TBC1D1: variants seen among roughly 807,000 people sequenced by gnomAD.
The protein encoded by TBC1D1 is TBC1 (tre-2/USP6, BUB2, cdc16) domain family, member 1.
In TBC1D1, 89 loss-of-function variants were observed where a neutral mutation model predicts 125.6. The observed-to-expected ratio is 0.71, with a 90% CI of 0.60 to 0.85. The LOEUF is 0.85. Ranked by LOEUF, TBC1D1 falls within the 40% of genes least tolerant of loss-of-function variation. The pLI, the probability that TBC1D1 is intolerant of heterozygous loss-of-function variation, is 0.00. For synonymous variants in TBC1D1, 565 were observed against 564.1 expected (o/e 1.00, Z -0.02); for missense variants, 1,377 against 1,469.2 (o/e 0.94, Z 1.03).
chr4:37,956,253 C>T (rs942191467), intron 2 of TBC1D1, among the ~76,000 whole-genome samples: 1 of 152,056 alleles, frequency 6.6e-6, no homozygotes, highest in Non-Finnish European at 1.5e-5. Flanking sequence ...TCCTGGACTT[C>T]AAGCGATCAC....
intron 2 of TBC1D1, among the ~76,000 whole-genome samples, chr4:37,913,607 A>AT (rs1719067177): frequency 7.0e-5 from 9 of 128,892 alleles, no homozygotes; most frequent in Admixed American, 7.0e-4. Flanking sequence ...CTCAAAAAAT[A>AT]AATATATATA....
At chr4:38,016,266 C>G (rs1039456327) in intron 3 of TBC1D1, among the ~76,000 whole-genome samples, 4 of 152,166 alleles carry the variant, frequency 2.6e-5, no homozygotes, top group Non-Finnish European at 4.4e-5. Flanking sequence ...TGATTTTCAC[C>G]TAACACAAGG....
intron 2 of TBC1D1, among the ~76,000 whole-genome samples, chr4:37,972,721 GGAGA>G (rs1462187878): frequency 6.6e-6 from 1 of 151,766 alleles, no homozygotes; most frequent in Non-Finnish European, 1.5e-5. Context: ...GCCTCAACAT[GGAGA>G]AACCCCGTCT....
Position 38,096,053 on chromosome 4 carries a change from G to T in TBC1D1, c.2361G>T (p.Lys787Asn). 1.2e-6 allele frequency: 2 copies of T among 1,613,728 alleles called. No homozygotes were observed. Among genetic ancestry groups the T allele is most frequent in the Non-Finnish European group, 1.7e-6 (2 of 1,179,814 alleles). ...GCACTCCAGGAAGATCAAAAATTAA[G>T]TTTGACATGGAAAAAATGCACTCGG... Residue 787 changes from lysine to asparagine, a missense_variant, in exon 14 of 20, where the codon AAG (lysine) becomes AAT (asparagine). By Grantham distance (94) the Lys-to-Asn change is moderately conservative. Coordinates refer to ENST00000261439, the MANE Select transcript of TBC1D1 (RefSeq NM_015173.4).
rs569102314 is a variant in TBC1D1 at position 38,015,098 on chromosome 4, A to G, written c.882+125A>G. On this transcript the variant is annotated intron_variant, in intron 3 of 19. Transcript: ENST00000261439. Reference sequence around the variant, plus strand: ...TTTATGTGTGAATCCATATATTTTCATGCTGAACAATTCTATTCTTAGGAT... The same window carrying G: ...TTTATGTGTGAATCCATATATTTTCGTGCTGAACAATTCTATTCTTAGGAT... The G allele has an allele frequency of 1.2e-4, 94 of 811,214 alleles. No homozygotes were observed. The South Asian group carries it at 1.9e-3, about 16-fold the overall frequency. The allele number at this position is 811,214 out of a possible 1,614,324, so 50.3% of individuals were successfully genotyped here. A position where few individuals can be genotyped will look rare whatever the true frequency, so the allele number is the denominator to read the frequency against.
At chr4:38,054,430 G>C in intron 12 of TBC1D1, 92 bp downstream of exon 14, 1 of 1,525,236 alleles carries the variant, frequency 6.6e-7, no homozygotes, top group Non-Finnish European at 8.9e-7. Flanking sequence ...GCAGAGCGCC[G>C]TCCTCTTCAG....
chr4:37,937,312 G>A (rs1394882809), intron 2 of TBC1D1, among the ~76,000 whole-genome samples: 4 of 152,162 alleles, frequency 2.6e-5, no homozygotes, highest in Non-Finnish European at 5.9e-5. Flanking sequence ...AGGGGGCCAC[G>A]CTGCCATCTT....
chr4:37,924,092 C>T (rs1305616182), intron 2 of TBC1D1, among the ~76,000 whole-genome samples: 1 of 152,170 alleles, frequency 6.6e-6, no homozygotes, highest in Non-Finnish European at 1.5e-5. Context: ...CTCTCGGCTT[C>T]CTTAGGTACC....
chr4:38,054,562 G>T (rs528252473), intron 12 of TBC1D1, among the ~76,000 whole-genome samples: 1 of 152,328 alleles, frequency 6.6e-6, no homozygotes, highest in Admixed American at 6.5e-5. Flanking sequence ...CAGGAGCAGA[G>T]CTCTGATGTT....
At chr4:38,039,104 CTTTTTTTTTTTTTTTTT>C (rs776941680) in intron 8 of TBC1D1, among the ~76,000 whole-genome samples, 6 of 51,584 alleles carry the variant, frequency 1.2e-4, no homozygotes, top group South Asian at 1.0e-3. Context: ...GCATCATACT[CTTTTTTTTTTTTTTTTT>C]TTTTTTTTTT....
chr4:37,896,698 G>A (rs1714710380), intron 1 of TBC1D1, among the ~76,000 whole-genome samples: 1 of 151,378 alleles, frequency 6.6e-6, no homozygotes, highest in South Asian at 2.1e-4. Context: ...ATGGGAGTCA[G>A]GGACTTGGAT....
intron 15 of TBC1D1, among the ~76,000 whole-genome samples, chr4:38,107,539 T>G (rs916828699): frequency 1.3e-5 from 2 of 152,054 alleles, no homozygotes; most frequent in African/African-American, 4.8e-5. Context: ...TTCCTGCCTC[T>G]TGTTATACTT....
intron 6 of TBC1D1, 66 bp from the exon 7 acceptor site, chr4:38,027,722 G>T: frequency 1.0e-6 from 1 of 969,754 alleles, no homozygotes; most frequent in South Asian, 1.5e-5. Context: ...GTGTGGAAGA[G>T]GTTAACTCCC....
chr4:38,040,461 G>C (rs1203670913), intron 8 of TBC1D1, among the ~76,000 whole-genome samples: 2 of 152,110 alleles, frequency 1.3e-5, no homozygotes, highest in African/African-American at 4.8e-5. Flanking sequence ...GCTAATTTTT[G>C]TATATTTAGT....
chr4:38,006,121 A>G (rs1289556570), intron 2 of TBC1D1, among the ~76,000 whole-genome samples: 1 of 152,210 alleles, frequency 6.6e-6, no homozygotes, highest in Non-Finnish European at 1.5e-5. Flanking sequence ...GTTGTTAAAA[A>G]TTTTTGATAT....
intron 2 of TBC1D1, among the ~76,000 whole-genome samples, chr4:37,976,191 G>A (rs1733029992): frequency 6.6e-6 from 1 of 152,208 alleles, no homozygotes; most frequent in Non-Finnish European, 1.5e-5. Context: ...GCAAGAAACA[G>A]AGGCCCTGAG....
chr4:37,935,954 A>C (rs182042346), intron 2 of TBC1D1, among the ~76,000 whole-genome samples: 1 of 151,962 alleles, frequency 6.6e-6, no homozygotes, highest in East Asian at 1.9e-4. Context: ...GCTAACTCTA[A>C]CTCACCCCTC....
chr4:38,110,239 A>G, intron 15 of TBC1D1: 3 of 985,456 alleles, frequency 3.0e-6, no homozygotes, highest in Non-Finnish European at 3.6e-6. Context: ...GGTTTCTCAC[A>G]GCACCGTACA....
intron 11 of TBC1D1, among the ~76,000 whole-genome samples, chr4:38,053,930 A>G (rs930063052): frequency 4.6e-5 from 7 of 152,204 alleles, no homozygotes; most frequent in African/African-American, 1.4e-4. Flanking sequence ...AATTGGAACT[A>G]TGATATGTGG....
Sources: allele counts gnomAD v4.1 joint callset (sites outside exome capture counted in the v4.1 genomes callset), GRCh38; gene constraint gnomAD v4.1.1; transcripts MANE v1.5; gene names NCBI Gene and HGNC (gene_info 2026-07-23, HGNC 2026-07-21).